Variants in KCNMA1 observed in about 807,000 individuals in gnomAD.
The protein encoded by KCNMA1 is potassium calcium-activated channel subfamily M alpha 1.
A neutral mutation model predicts 140.0 loss-of-function variants in KCNMA1; 29 were observed. The observed-to-expected ratio is 0.21, with a 90% CI of 0.15 to 0.28. The LOEUF (loss-of-function observed/expected upper bound fraction) is 0.28. KCNMA1 is among the 10% of genes least tolerant of loss of function. The pLI is 1.00. For synonymous variants in KCNMA1, 612 were observed against 611.9 expected (o/e 1.00, Z 0.00); for missense variants, 880 against 1,602.2 (o/e 0.55, Z 7.70).
At chr10:77,239,497 T>C (rs1469163961) in intron 3 of KCNMA1, among the ~76,000 whole-genome samples, 1 of 152,218 alleles carries the variant, frequency 6.6e-6, no homozygotes, top group African/African-American at 2.4e-5. Flanking sequence ...AACTGCATTC[T>C]AGTAGATTCC....
chr10:76,875,484 G>C (rs2032211939), downstream of KCNMA1: 1 of 152,112 alleles, frequency 6.6e-6, no homozygotes, highest in Non-Finnish European at 1.5e-5. Flanking sequence ...TGGGGCTGGA[G>C]TTTGCATTTC....
At chr10:77,222,756 A>G (rs2050091674) in intron 3 of KCNMA1, among the ~76,000 whole-genome samples, 1 of 152,228 alleles carries the variant, frequency 6.6e-6, no homozygotes, top group Admixed American at 6.5e-5. Context: ...TTCTCATGGC[A>G]AGGTTGCCTC....
chr10:76,914,848 G>C lies in KCNMA1; in HGVS notation c.3016+88C>G. On this transcript the variant is annotated intron_variant, in intron 24 of 27. Transcript: ENST00000286628. ...CCCCATAGCAGCTACAAAGTTGAAAGGGCTAAGAAATAAACCAACCTCCTC... is the reference window on the plus strand; with the variant it reads ...CCCCATAGCAGCTACAAAGTTGAAACGGCTAAGAAATAAACCAACCTCCTC... 3 of 980,882 alleles carry C rather than the reference G, an allele frequency of 3.1e-6. No individual in the cohort carries two copies. The South Asian group carries it at 3.8e-5, about 13-fold the overall frequency. The allele number at this position is 980,882 out of a possible 1,614,324, so 60.8% of individuals were successfully genotyped here.
chr10:77,311,858 C>T (rs746673291), intron 2 of KCNMA1, among the ~76,000 whole-genome samples: 10 of 152,218 alleles, frequency 6.6e-5, no homozygotes, highest in Non-Finnish European at 1.5e-4. Flanking sequence ...GGTCTGCTGT[C>T]ATTTCTCTGA....
At chr10:77,508,925 C>A (rs1247845549) in intron 1 of KCNMA1, among the ~76,000 whole-genome samples, 2 of 152,158 alleles carry the variant, frequency 1.3e-5, no homozygotes, top group Non-Finnish European at 2.9e-5. Flanking sequence ...TTGCGACTGG[C>A]TTATTCCACT....
At chr10:77,012,636 T>A in intron 17 of KCNMA1, 1 of 1,187,476 alleles carries the variant, frequency 8.4e-7, no homozygotes, top group Non-Finnish European at 1.2e-6. Flanking sequence ...CAGCTTATTT[T>A]ACTCCAAAGC....
intron 5 of KCNMA1, among the ~76,000 whole-genome samples, chr10:77,125,091 A>G (rs1210040959): frequency 6.6e-6 from 1 of 152,162 alleles, no homozygotes. Flanking sequence ...CCATGATTCA[A>G]TTACCTTCCA....
At position 77,012,473 on chromosome 10, in the gene KCNMA1, G is replaced by A. The variant is rs888832545; in HGVS notation, c.2016-430C>T. ...ATATTTGAGGGGGCAGAAGTATGTCGTTTCTCAGTCAAATAAAAATATCAA... is the reference window on the plus strand; with the variant it reads ...ATATTTGAGGGGGCAGAAGTATGTCATTTCTCAGTCAAATAAAAATATCAA... On this transcript the variant is annotated intron_variant, in intron 17 of 27. Transcript: ENST00000286628. 4.1e-5 allele frequency: 64 copies of A among 1,549,990 alleles called. No individual in the cohort carries two copies. In the Middle Eastern group the frequency reaches 5.0e-4, roughly 12 times the overall value.
chr10:77,512,055 G>A lies in KCNMA1; in HGVS notation c.379-108032C>T, dbSNP rs374484238. Reference sequence around the variant, plus strand: ...GTGTTTGATGGTGAGCAGGAAGCCCGGGAGTTATGTATGTTATCCGGGCAT... The same window carrying A: ...GTGTTTGATGGTGAGCAGGAAGCCCAGGAGTTATGTATGTTATCCGGGCAT... On this transcript the variant is annotated intron_variant, in intron 1 of 27. Transcript: ENST00000286628. 9.2e-5 allele frequency among the ~76,000 whole-genome samples: 14 copies of A among 152,300 alleles called. No individual in the cohort carries two copies. The East Asian group carries it at 1.9e-3, about 21-fold the overall frequency.
At chr10:77,285,266 C>A (rs542514651) in intron 2 of KCNMA1, among the ~76,000 whole-genome samples, 2 of 152,114 alleles carry the variant, frequency 1.3e-5, no homozygotes, top group African/African-American at 4.8e-5. Flanking sequence ...GACTCTAAAT[C>A]AAGTCTAGTT....
At chr10:77,189,175 T>C (rs2098915959) in intron 3 of KCNMA1, among the ~76,000 whole-genome samples, 1 of 152,102 alleles carries the variant, frequency 6.6e-6, no homozygotes, top group African/African-American at 2.4e-5. Flanking sequence ...GCTGCTTATC[T>C]GGGAACACCG....
chr10:76,990,605 A>G (rs1442838531), intron 19 of KCNMA1, among the ~76,000 whole-genome samples: 3 of 152,146 alleles, frequency 2.0e-5, no homozygotes, highest in African/African-American at 7.2e-5. Context: ...CCCTGTCTTC[A>G]TTCCTAGCAT....
intron 1 of KCNMA1, among the ~76,000 whole-genome samples, chr10:77,537,704 G>T (rs1405008212): frequency 1.3e-5 from 2 of 151,934 alleles, no homozygotes; most frequent in African/African-American, 4.8e-5. Context: ...TTGAGAAACA[G>T]AGAACAATCT....
At chr10:77,412,871 T>C (rs1227129934) in intron 1 of KCNMA1, among the ~76,000 whole-genome samples, 1 of 152,082 alleles carries the variant, frequency 6.6e-6, no homozygotes, top group Non-Finnish European at 1.5e-5. Flanking sequence ...TTTGTTTTGT[T>C]TTTTGAGAAA....
At chr10:77,321,805 G>A (rs2082407942) in intron 2 of KCNMA1, among the ~76,000 whole-genome samples, 2 of 152,126 alleles carry the variant, frequency 1.3e-5, no homozygotes, top group South Asian at 4.1e-4. Flanking sequence ...CATTACTGCA[G>A]CTTGAAAGGG....
At chr10:77,457,884 T>C (rs548775069) in intron 1 of KCNMA1, among the ~76,000 whole-genome samples, 4 of 152,154 alleles carry the variant, frequency 2.6e-5, no homozygotes, top group South Asian at 2.1e-4. Context: ...AAAAAAGTTA[T>C]ATAGGAAAAG....
intron 2 of KCNMA1, among the ~76,000 whole-genome samples, chr10:77,291,400 C>T (rs751591041): frequency 2.6e-5 from 4 of 152,106 alleles, no homozygotes; most frequent in Non-Finnish European, 5.9e-5. Context: ...AAAGGTACCA[C>T]CTCAGCAAGA....
intron 19 of KCNMA1, among the ~76,000 whole-genome samples, chr10:76,981,635 C>T (rs1403199776): frequency 2.0e-5 from 3 of 152,136 alleles, no homozygotes; most frequent in African/African-American, 7.2e-5. Flanking sequence ...CCCACCATGT[C>T]TTCCTTTCAC....
chr10:77,423,649 TTCTCTGCC>T, intron 1 of KCNMA1, among the ~76,000 whole-genome samples: 1 of 152,266 alleles, frequency 6.6e-6, no homozygotes, highest in South Asian at 2.1e-4. Flanking sequence ...AGTGAATGCC[TTCTCTGCC>T]TCTCCAATCC....
Sources: gnomAD v4.1 joint callset for allele counts (sites outside exome capture counted in the v4.1 genomes callset) on GRCh38, gnomAD v4.1.1 for gene constraint, MANE v1.5 for transcripts, NCBI Gene and HGNC (gene_info 2026-07-23, HGNC 2026-07-21) for gene names.